Variants in BCAS3 observed in about 807,000 individuals in gnomAD.
BCAS3 encodes BCAS3 microtubule associated cell migration factor.
Under a neutral mutation model 116.1 loss-of-function variants are expected in BCAS3, and 53 were observed. The observed-to-expected ratio is 0.46, with a 90% CI of 0.37 to 0.57. The LOEUF (loss-of-function observed/expected upper bound fraction) is 0.57. Ranked by LOEUF, BCAS3 falls within the 20% of genes least tolerant of loss-of-function variation. BCAS3 has a pLI of 0.00. For synonymous variants in BCAS3, 391 were observed against 408.2 expected, an observed-to-expected ratio of 0.96 and a Z score of 0.51; for missense variants, 917 against 1,165.4, an observed-to-expected ratio of 0.79 and a Z score of 3.10.
At chr17:60,681,014 A>G (rs1240393685) in intron 2 of BCAS3, among the ~76,000 whole-genome samples, 3 of 152,124 alleles carry the variant, frequency 2.0e-5, no homozygotes, top group Non-Finnish European at 4.4e-5. Flanking sequence ...CACCAGCCTG[A>G]ACAACATCCT....
chr17:60,938,174 G>A (rs1035422768), intron 13 of BCAS3, among the ~76,000 whole-genome samples: 3 of 152,130 alleles, frequency 2.0e-5, no homozygotes, highest in African/African-American at 7.2e-5. Flanking sequence ...AGTTACAGGC[G>A]TGAGCCACTG....
At position 60,962,024 on chromosome 17, in the gene BCAS3, T is replaced by G. The variant is rs1464886431; in HGVS notation, c.1221+14672T>G. Among the ~76,000 whole-genome samples, 1 of 152,142 alleles carries G rather than the reference T, an allele frequency of 6.6e-6. No homozygotes were observed. On this transcript the variant is annotated intron_variant, in intron 14 of 23. Coordinates refer to ENST00000407086, the MANE Select transcript of BCAS3 (RefSeq NM_017679.5). The surrounding 1 kb of genome is among the most constrained non-coding windows in gnomAD (Gnocchi z 4.4). ...GCTGCAAATGACAGGATTTCATTCT[T>G]TTTTTTAAAGCTGAATATTTCATTG...
chr17:60,894,710 T>C (rs1378870835), intron 10 of BCAS3, among the ~76,000 whole-genome samples: 2 of 152,200 alleles, frequency 1.3e-5, no homozygotes, highest in African/African-American at 4.8e-5. Flanking sequence ...TTTTGTCATA[T>C]ATGGTCTTTA....
intron 5 of BCAS3, among the ~76,000 whole-genome samples, chr17:60,729,517 ATGT>A (rs1298566411): frequency 6.6e-6 from 1 of 152,006 alleles, no homozygotes; most frequent in African/African-American, 2.4e-5. Context: ...GCTTACATTG[ATGT>A]TGTCAGTCAT....
At chr17:61,015,697 C>T (rs777181248) in intron 15 of BCAS3, 54 bp from the exon 16 acceptor site, 601 of 1,568,728 alleles carry the variant, frequency 3.8e-4, no homozygotes, top group Admixed American at 4.7e-4. Flanking sequence ...AGATAGAGAA[C>T]GGGAGATAGA....
chr17:61,191,699 T>C (rs1298006722), intron 22 of BCAS3, among the ~76,000 whole-genome samples: 1 of 150,868 alleles, frequency 6.6e-6, no homozygotes, highest in Non-Finnish European at 1.5e-5. Context: ...GGCGTGAACC[T>C]GGGAGGCAGA....
intron 7 of BCAS3, among the ~76,000 whole-genome samples, chr17:60,824,641 A>G (rs912294312): frequency 2.0e-5 from 3 of 152,144 alleles, no homozygotes; most frequent in African/African-American, 7.2e-5. Flanking sequence ...CTGTTTTGCA[A>G]GTAATTCTTG....
At position 61,361,400 on chromosome 17, in the gene BCAS3, A is replaced by T. The variant is rs140676214; in HGVS notation, c.2426-6927A>T. ...AGATTGCAAAGAAATTCTTAGTCCA[A>T]TTGCCATTGAACTCCTTTTCCCTGG... On this transcript the variant is annotated intron_variant, in intron 22 of 23. Coordinates refer to ENST00000407086, the MANE Select transcript of BCAS3 (RefSeq NM_017679.5). The surrounding 1 kb of genome is among the most constrained non-coding windows in gnomAD (Gnocchi z 6.5). 1.3e-5 allele frequency among the ~76,000 whole-genome samples: 2 copies of T among 152,144 alleles called. No individual in the cohort carries two copies. Among genetic ancestry groups the T allele is most frequent in the Non-Finnish European group, 2.9e-5 (2 of 68,028 alleles).
intron 6 of BCAS3, among the ~76,000 whole-genome samples, chr17:60,756,111 G>C (rs1322080752): frequency 1.8e-4 from 4 of 22,778 alleles, no homozygotes; most frequent in African/African-American, 1.9e-4. Flanking sequence ...TTCCATGGAT[G>C]GGGGGCGTGG....
chr17:60,832,176 A>T (rs1294355380), intron 7 of BCAS3, among the ~76,000 whole-genome samples: 2 of 152,348 alleles, frequency 1.3e-5, no homozygotes, highest in East Asian at 3.9e-4. Context: ...AACAAACTCT[A>T]CAAAGATAAA....
intron 22 of BCAS3, among the ~76,000 whole-genome samples, chr17:61,147,838 T>C (rs1056734866): frequency 3.3e-5 from 5 of 151,660 alleles, no homozygotes; most frequent in Non-Finnish European, 7.4e-5. Flanking sequence ...AATACAAAAT[T>C]AGTCAGGCGT....
intron 6 of BCAS3, among the ~76,000 whole-genome samples, chr17:60,758,984 T>TC (rs1329376302): frequency 6.6e-6 from 1 of 151,294 alleles, no homozygotes; most frequent in Non-Finnish European, 1.5e-5. Flanking sequence ...TGAGAAGATT[T>TC]TTTTTTTTTT....
At chr17:61,221,829 C>T (rs577068337) in intron 22 of BCAS3, among the ~76,000 whole-genome samples, 2 of 152,310 alleles carry the variant, frequency 1.3e-5, no homozygotes, top group South Asian at 2.1e-4. Context: ...TAAACCCTAG[C>T]GTTACCCGGA....
chr17:61,219,398 C>A lies in BCAS3; in HGVS notation c.2425+134834C>A, dbSNP rs144551622. Among the ~76,000 whole-genome samples, 35 of 152,278 alleles carry A rather than the reference C, an allele frequency of 2.3e-4. 1 individual carries two copies. The highest frequency in any genetic ancestry group is 8.4e-4 in the African/African-American group (35 of 41,570). ...CTTTTGGGTCAGACTTAACATGAGTCTTCCTTTCTCACAGGTGGCCCATTG... is the reference window on the plus strand; with the variant it reads ...CTTTTGGGTCAGACTTAACATGAGTATTCCTTTCTCACAGGTGGCCCATTG... On this transcript the variant is annotated intron_variant, in intron 22 of 23. Coordinates refer to ENST00000407086, the MANE Select transcript of BCAS3 (RefSeq NM_017679.5). The surrounding 1 kb of genome is among the most constrained non-coding windows in gnomAD (Gnocchi z 5.2).
At chr17:61,142,313 T>C (rs1226153250) in intron 22 of BCAS3, among the ~76,000 whole-genome samples, 2 of 152,226 alleles carry the variant, frequency 1.3e-5, no homozygotes, top group East Asian at 1.9e-4. Context: ...TTAACTACTA[T>C]AGTACAGCGG....
At chr17:61,135,626 C>A (rs1190548073) in intron 22 of BCAS3, among the ~76,000 whole-genome samples, 1 of 152,184 alleles carries the variant, frequency 6.6e-6, no homozygotes, top group African/African-American at 2.4e-5. Flanking sequence ...CTACTGCCAC[C>A]CCCTGTCTAT....
At chr17:60,744,442 C>G (rs1249632274) in intron 5 of BCAS3, among the ~76,000 whole-genome samples, 1 of 152,072 alleles carries the variant, frequency 6.6e-6, no homozygotes, top group Non-Finnish European at 1.5e-5. Flanking sequence ...AAAGACTAAC[C>G]ATCCTCTGTG....
At chr17:60,947,703 A>G (rs1305942974) in intron 14 of BCAS3, among the ~76,000 whole-genome samples, 1 of 152,202 alleles carries the variant, frequency 6.6e-6, no homozygotes, top group Non-Finnish European at 1.5e-5. Flanking sequence ...GTGTACATAA[A>G]TATGTATGTG....
In BCAS3 at chr17:61,122,671, A is replaced by G. The variant is rs1356296561; in HGVS notation, c.2425+38107A>G. Among the ~76,000 whole-genome samples the G allele has an allele frequency of 6.6e-6, 1 of 152,200 alleles. No individual in the cohort carries two copies. The highest frequency in any genetic ancestry group is 1.5e-5 in the Non-Finnish European group (1 of 68,032). On this transcript the variant is annotated intron_variant, in intron 22 of 23. Coordinates refer to ENST00000407086, the MANE Select transcript of BCAS3 (RefSeq NM_017679.5). This position sits in a 1 kb window ranked among gnomAD's most constrained non-coding sequence, Gnocchi z 4.6. ...TTTGTAGGATCTTGAAAGGGAAATCATATACATTTCCTTAAACTCACATGC... is the reference window on the plus strand; with the variant it reads ...TTTGTAGGATCTTGAAAGGGAAATCGTATACATTTCCTTAAACTCACATGC...
Sources: allele counts gnomAD v4.1 joint callset (sites outside exome capture counted in the v4.1 genomes callset), GRCh38; gene constraint gnomAD v4.1.1; non-coding constraint Gnocchi (gnomAD v3.1); transcripts MANE v1.5; gene names NCBI Gene and HGNC (gene_info 2026-07-23, HGNC 2026-07-21).